Variants in CCDC73 observed in about 807,000 individuals in gnomAD.
The protein encoded by CCDC73 is coiled-coil domain containing 73.
Under a neutral mutation model 116.5 loss-of-function variants are expected in CCDC73, and 95 were observed. That is an observed-to-expected ratio of 0.82 (90% CI 0.69 to 0.97). The LOEUF is 0.97. Ranked by LOEUF, CCDC73 falls within the 50% of genes least tolerant of loss-of-function variation. CCDC73 has a pLI of 0.00. For missense variants in CCDC73, 1,066 were observed against 1,206.8 expected (o/e 0.88, Z 1.73); for synonymous variants, 398 against 401.3 (o/e 0.99, Z 0.10).
At chr11:32,641,045 GAAA>G (rs1211762839) in intron 13 of CCDC73, among the ~76,000 whole-genome samples, 31 of 120,904 alleles carry the variant, frequency 2.6e-4, no homozygotes, top group South Asian at 8.1e-4. Context: ...GAAAAGAAAA[GAAA>G]ACATGTTAGT....
intron 7 of CCDC73, chr11:32,682,731 A>G (rs562050150): frequency 1.3e-5 from 2 of 152,154 alleles, no homozygotes; most frequent in East Asian, 3.8e-4. Flanking sequence ...TGAATAAAAT[A>G]GAGCTAGAAG....
At chr11:32,640,916 C>A (rs547788649) in intron 13 of CCDC73, among the ~76,000 whole-genome samples, 1 of 151,384 alleles carries the variant, frequency 6.6e-6, no homozygotes, top group African/African-American at 2.4e-5. Context: ...ACTCAGGAGG[C>A]GAGGCAGGAG....
chr11:32,712,136 A>C (rs1849905352), intron 3 of CCDC73, among the ~76,000 whole-genome samples: 1 of 152,164 alleles, frequency 6.6e-6, no homozygotes, highest in Non-Finnish European at 1.5e-5. Flanking sequence ...ATTTCCACCC[A>C]GTGCTATAAT....
intron 12 of CCDC73, among the ~76,000 whole-genome samples, chr11:32,648,878 T>C (rs1383759894): frequency 6.6e-6 from 1 of 152,194 alleles, no homozygotes; most frequent in Non-Finnish European, 1.5e-5. Flanking sequence ...ACAGGGATTG[T>C]TTCCTGGCCT....
chr11:32,765,923 T>G (rs982625393), intron 1 of CCDC73, among the ~76,000 whole-genome samples: 1 of 152,084 alleles, frequency 6.6e-6, no homozygotes, highest in Non-Finnish European at 1.5e-5. Context: ...TTCCAATCAA[T>G]AGAAAGAGAG....
chr11:32,705,855 A>G (rs945078912), intron 3 of CCDC73, among the ~76,000 whole-genome samples: 2 of 152,224 alleles, frequency 1.3e-5, no homozygotes, highest in Non-Finnish European at 2.9e-5. Context: ...TGTTATGACT[A>G]TGTAATTATT....
intron 2 of CCDC73, among the ~76,000 whole-genome samples, chr11:32,720,702 T>C (rs887555514): frequency 3.3e-5 from 5 of 152,100 alleles, no homozygotes; most frequent in African/African-American, 1.2e-4. Context: ...CTAAAAACAA[T>C]GTCACATTTC....
chr11:32,629,675 G>A (rs538802074), intron 14 of CCDC73, among the ~76,000 whole-genome samples: 6 of 149,996 alleles, frequency 4.0e-5, no homozygotes, highest in Admixed American at 6.7e-5. Flanking sequence ...TGGTACAGGC[G>A]TAAGCCTCCG....
At chr11:32,811,730 T>G in the CCDC73 span, among the ~76,000 whole-genome samples, 1 of 151,848 alleles carries the variant, frequency 6.6e-6, no homozygotes. Flanking sequence ...CAACCAGATC[T>G]CACATGAAAA....
At chr11:32,737,216 G>A (rs183635774) in intron 2 of CCDC73, among the ~76,000 whole-genome samples, 1 of 147,476 alleles carries the variant, frequency 6.8e-6, no homozygotes, top group African/African-American at 2.5e-5. Context: ...TAATATCTGT[G>A]GGTACATAGT....
intron 13 of CCDC73, among the ~76,000 whole-genome samples, chr11:32,639,291 G>C (rs1363807896): frequency 6.6e-6 from 1 of 152,056 alleles, no homozygotes. Flanking sequence ...ATGCTAAAAA[G>C]TACCTTGCAC....
rs746095530 is a variant in CCDC73 at position 32,635,705 on chromosome 11, T to G, written c.1176A>C (p.Lys392Asn). The stretch of plus-strand genomic sequence containing the variant: ...CATACTTAAATTTTACCTGAAACTT[T>G]TTGTCTTCCTCAAATGTTTTTTGAT... The part of the protein sequence containing the change: ...LCNQKTFEED[K>N]KFQNVPEVNN... Residue 392 changes from lysine (K) to asparagine (N), a missense_variant, in exon 14 of 18, where the codon AAA (lysine) becomes AAC (asparagine). Lys to Asn is a moderately conservative substitution (Grantham distance 94). Coordinates refer to ENST00000335185, the MANE Select transcript of CCDC73 (RefSeq NM_001008391.4). 3.8e-6 allele frequency: 5 copies of G among 1,307,922 alleles called. No homozygotes were observed. The South Asian group carries it at 8.8e-5, about 23-fold the overall frequency. 81.0% of individuals were successfully genotyped at this position (1,307,922 alleles called of 1,614,324 possible).
intron 2 of CCDC73, among the ~76,000 whole-genome samples, chr11:32,738,009 T>A (rs1406693582): frequency 6.6e-6 from 1 of 152,208 alleles, no homozygotes; most frequent in Non-Finnish European, 1.5e-5. Flanking sequence ...ATCCGTGTTG[T>A]TGCAAGTAAT....
the CCDC73 span, among the ~76,000 whole-genome samples, chr11:32,827,150 C>T: frequency 0.025 from 3,811 of 152,210 alleles, 152 homozygotes; most frequent in African/African-American, 0.085. Context: ...AGGTGTGAGC[C>T]ACCGTGCCCG....
At chr11:32,648,843 G>T (rs1331721960) in intron 12 of CCDC73, among the ~76,000 whole-genome samples, 1 of 152,224 alleles carries the variant, frequency 6.6e-6, no homozygotes, top group East Asian at 1.9e-4. Context: ...GAGCCACTGT[G>T]CCAGGCCATG....
chr11:32,623,598 C>A (rs1170571190), intron 14 of CCDC73, among the ~76,000 whole-genome samples: 1 of 152,152 alleles, frequency 6.6e-6, no homozygotes, highest in East Asian at 1.9e-4. Context: ...AAGCAATTCA[C>A]CTGCCTTGGC....
intron 3 of CCDC73, among the ~76,000 whole-genome samples, chr11:32,706,208 G>A (rs2133320391): frequency 6.6e-6 from 1 of 152,298 alleles, no homozygotes; most frequent in Admixed American, 6.5e-5. Flanking sequence ...AGGAAGGAAA[G>A]AATGAGTCCA....
intron 9 of CCDC73, among the ~76,000 whole-genome samples, chr11:32,657,579 G>A (rs2133266225): frequency 6.6e-6 from 1 of 152,084 alleles, no homozygotes; most frequent in East Asian, 1.9e-4. Flanking sequence ...GATATCTGTG[G>A]GTATAGCAAA....
chr11:32,656,700 T>G (rs899745726), intron 9 of CCDC73, among the ~76,000 whole-genome samples: 1 of 152,238 alleles, frequency 6.6e-6, no homozygotes, highest in Non-Finnish European at 1.5e-5. Context: ...TCTTGGATAC[T>G]GCATAGCCTC....
Sources: allele counts gnomAD v4.1 joint callset (sites outside exome capture counted in the v4.1 genomes callset), GRCh38; gene constraint gnomAD v4.1.1; transcripts MANE v1.5; gene names NCBI Gene and HGNC (gene_info 2026-07-23, HGNC 2026-07-21).